The following CCSER1 variants were observed in gnomAD, a reference collection of about 807,000 sequenced individuals.
CCSER1 encodes the protein serine-rich coiled-coil domain-containing protein 1.
Under a neutral mutation model 82.0 loss-of-function variants are expected in CCSER1, and 41 were observed. The observed-to-expected ratio is 0.50, with a 90% confidence interval of 0.39 to 0.65. The LOEUF (loss-of-function observed/expected upper bound fraction) is 0.65. Among genes scored for constraint, CCSER1 ranks in the 30% least tolerant of loss-of-function variants. The pLI is 0.00. For synonymous variants in CCSER1, 414 were observed against 383.9 expected (o/e 1.08, Z -0.92); for missense variants, 1,119 against 1,064.2 (o/e 1.05, Z -0.72).
chr4:90,158,053 G>T (rs895456874), intron 1 of CCSER1, among the ~76,000 whole-genome samples: 1 of 152,022 alleles, frequency 6.6e-6, no homozygotes, highest in Non-Finnish European at 1.5e-5. Flanking sequence ...TGGGTTTTTG[G>T]TGTGGATGTC....
At chr4:91,142,906 G>A (rs1044436331) in intron 10 of CCSER1, among the ~76,000 whole-genome samples, 1 of 152,004 alleles carries the variant, frequency 6.6e-6, no homozygotes, top group African/African-American at 2.4e-5. Flanking sequence ...TTGAATTTGG[G>A]TAATGTAATC....
chr4:91,445,697 A>G (rs562156018), intron 10 of CCSER1, among the ~76,000 whole-genome samples: 9 of 152,112 alleles, frequency 5.9e-5, no homozygotes, highest in South Asian at 2.1e-4. Context: ...TCTATCATTT[A>G]TCTTTCAATC....
chr4:90,313,399 G>C (rs1735646754), intron 3 of CCSER1, among the ~76,000 whole-genome samples: 1 of 152,100 alleles, frequency 6.6e-6, no homozygotes, highest in African/African-American at 2.4e-5. Context: ...TAGCCCTCCA[G>C]AAAATACCCT....
chr4:90,205,562 G>A (rs530385677), intron 1 of CCSER1, among the ~76,000 whole-genome samples: 10 of 152,270 alleles, frequency 6.6e-5, no homozygotes, highest in African/African-American at 2.4e-4. Context: ...TGATTGTGGT[G>A]GATAAGCTTT....
chr4:91,450,565 G>A (rs759704869), intron 10 of CCSER1, among the ~76,000 whole-genome samples: 2 of 152,032 alleles, frequency 1.3e-5, no homozygotes, highest in Non-Finnish European at 2.9e-5. Flanking sequence ...AATTGTCCTG[G>A]CTTGCTGTCT....
At chr4:91,304,264 C>A (rs183615454) in intron 10 of CCSER1, among the ~76,000 whole-genome samples, 1 of 151,926 alleles carries the variant, frequency 6.6e-6, no homozygotes, top group East Asian at 1.9e-4. Context: ...TAAAAGATAA[C>A]AAAACCACAA....
At chr4:91,320,436 T>C (rs1528580) in intron 10 of CCSER1, among the ~76,000 whole-genome samples, 6,038 of 152,132 alleles carry the variant, frequency 0.04, 172 homozygotes, top group Middle Eastern at 0.068. Flanking sequence ...ACAAATACAG[T>C]GCAAATTAAA....
intron 9 of CCSER1, among the ~76,000 whole-genome samples, chr4:90,966,245 G>C (rs1734549557): frequency 6.6e-6 from 1 of 151,940 alleles, no homozygotes; most frequent in Admixed American, 6.6e-5. Context: ...ACATTGATCT[G>C]CCTAAGAAAC....
rs569197995 is a variant in CCSER1 at position 91,463,701 on chromosome 4, A to G, written c.2218-134871A>G. Among the ~76,000 whole-genome samples, 6 of 152,364 alleles carry G rather than the reference A, an allele frequency of 3.9e-5. No individual in the cohort carries two copies. The East Asian group carries it at 1.2e-3, about 29-fold the overall frequency. On this transcript the variant is annotated intron_variant, in intron 10 of 10. Coordinates refer to ENST00000509176, the MANE Select transcript of CCSER1 (RefSeq NM_001145065.2). Reference sequence around the variant, plus strand: ...AAAACCATGGCACGAGAGCTACGTGATTAATGCACAAGCTTCAGAAGCTGA... The same window carrying G: ...AAAACCATGGCACGAGAGCTACGTGGTTAATGCACAAGCTTCAGAAGCTGA...
intron 9 of CCSER1, among the ~76,000 whole-genome samples, chr4:91,059,474 T>G (rs567907370): frequency 1.1e-3 from 163 of 147,442 alleles, no homozygotes; most frequent in African/African-American, 3.8e-3. Flanking sequence ...TATATATATA[T>G]AAGTCTCCAA....
intron 4 of CCSER1, among the ~76,000 whole-genome samples, chr4:90,467,510 C>T (rs562618731): frequency 1.3e-5 from 2 of 152,100 alleles, no homozygotes; most frequent in East Asian, 1.9e-4. Flanking sequence ...CTGGCAAAAT[C>T]CCATCTCTAC....
chr4:91,237,662 T>C (rs541305823), intron 10 of CCSER1, among the ~76,000 whole-genome samples: 107 of 152,272 alleles, frequency 7.0e-4, no homozygotes, highest in African/African-American at 2.3e-3. Context: ...TATTTGTCAG[T>C]AAAGGTATTT....
At chr4:90,944,875 T>G (rs1393187677) in intron 9 of CCSER1, among the ~76,000 whole-genome samples, 4 of 152,202 alleles carry the variant, frequency 2.6e-5, no homozygotes, top group African/African-American at 9.7e-5. Context: ...ACCTGCTCTG[T>G]CTCCACCATT....
At chr4:91,511,279 T>A (rs1759809900) in intron 10 of CCSER1, among the ~76,000 whole-genome samples, 1 of 152,168 alleles carries the variant, frequency 6.6e-6, no homozygotes, top group Non-Finnish European at 1.5e-5. Flanking sequence ...CCTTCTTATT[T>A]TTCTTAGACT....
chr4:90,744,211 C>T (rs575029648), intron 7 of CCSER1, among the ~76,000 whole-genome samples: 1 of 152,256 alleles, frequency 6.6e-6, no homozygotes, highest in South Asian at 2.1e-4. Context: ...GCTGAAAGAG[C>T]AGAGGCCTTG....
intron 10 of CCSER1, among the ~76,000 whole-genome samples, chr4:91,538,698 C>CATATATTATGTATGTATATATATATATAT: frequency 7.2e-6 from 1 of 138,340 alleles, no homozygotes; most frequent in African/African-American, 2.8e-5. Context: ...TATATATACA[C>CATATATTATGTATGTATATATATATATAT]ATATATATAT....
rs1775879944 is a variant in CCSER1 at position 90,539,832 on chromosome 4, G to A, written c.1724+71478G>A. Among the ~76,000 whole-genome samples the A allele has an allele frequency of 2.0e-5, 3 of 152,084 alleles. No individual in the cohort carries two copies. In the South Asian group the frequency reaches 6.2e-4, roughly 31 times the overall value. On this transcript the variant is annotated intron_variant, in intron 5 of 10. Coordinates refer to ENST00000509176, the MANE Select transcript of CCSER1 (RefSeq NM_001145065.2). ...AGAAAGTACAAATACATTGTTATGGGAATTGAAGGTATTAAGTGATCACTT... is the reference window on the plus strand; with the variant it reads ...AGAAAGTACAAATACATTGTTATGGAAATTGAAGGTATTAAGTGATCACTT...
chr4:91,342,857 T>C (rs2149289687), intron 10 of CCSER1, among the ~76,000 whole-genome samples: 1 of 152,266 alleles, frequency 6.6e-6, no homozygotes, highest in Middle Eastern at 3.4e-3. Context: ...ATTTGGTTTC[T>C]TTACAGAATT....
chr4:91,133,466 G>T (rs1360773659), intron 10 of CCSER1, among the ~76,000 whole-genome samples: 2 of 152,122 alleles, frequency 1.3e-5, no homozygotes, highest in Non-Finnish European at 2.9e-5. Context: ...ATTACTCCCT[G>T]TTAGAGAAGA....
Sources: gnomAD v4.1 joint callset for allele counts (sites outside exome capture counted in the v4.1 genomes callset) on GRCh38, gnomAD v4.1.1 for gene constraint, MANE v1.5 for transcripts, NCBI Gene and HGNC (gene_info 2026-07-23, HGNC 2026-07-21) for gene names.